The following BRI3BP variants were observed in gnomAD, a reference collection of about 807,000 sequenced individuals.
BRI3BP encodes BRI3 binding protein, also known as BRI3-binding protein.
In BRI3BP, 7 loss-of-function variants were observed where a neutral mutation model predicts 15.8. The observed-to-expected ratio is 0.44, with a 90% CI of 0.25 to 0.83. The LOEUF (loss-of-function observed/expected upper bound fraction) is 0.83. Ranked by LOEUF, BRI3BP falls within the 40% of genes least tolerant of loss-of-function variation. The pLI, the probability that BRI3BP is intolerant of heterozygous loss-of-function variation, is 0.20. For synonymous variants in BRI3BP, 192 were observed against 163.5 expected (o/e 1.17, Z -1.33); for missense variants, 320 against 339.3 (o/e 0.94, Z 0.45).
chr12:125,011,910 G>C (rs1955200023), intron 1 of BRI3BP, among the ~76,000 whole-genome samples: 1 of 152,186 alleles, frequency 6.6e-6, no homozygotes, highest in Non-Finnish European at 1.5e-5. Context: ...AACCCGCAGG[G>C]TGCGGTGCAG....
chr12:125,045,409 C>A, the BRI3BP span, among the ~76,000 whole-genome samples: 1 of 152,164 alleles, frequency 6.6e-6, no homozygotes, highest in East Asian at 1.9e-4. Flanking sequence ...GCGATCCCGG[C>A]TCACTGCAAC....
At chr12:125,012,717 G>T (rs1955207478) in intron 2 of BRI3BP, 81 bp downstream of exon 2, 1 of 1,100,556 alleles carries the variant, frequency 9.1e-7, no homozygotes, top group South Asian at 1.2e-5. Context: ...CTCACAGTGA[G>T]TAATACATGA....
downstream of BRI3BP, among the ~76,000 whole-genome samples, chr12:125,035,512 G>A (rs1449961033): frequency 5.3e-5 from 8 of 150,802 alleles, no homozygotes; most frequent in Admixed American, 5.3e-4. Flanking sequence ...TCATGCTTCA[G>A]TATCCCACCT....
chr12:125,043,043 T>C, the BRI3BP span, among the ~76,000 whole-genome samples: 1 of 151,612 alleles, frequency 6.6e-6, no homozygotes, highest in Non-Finnish European at 1.5e-5. Context: ...TTTATATCAT[T>C]GGTCTGGTAG....
chr12:125,044,597 C>A, the BRI3BP span, among the ~76,000 whole-genome samples: 1 of 151,556 alleles, frequency 6.6e-6, no homozygotes, highest in South Asian at 2.1e-4. Flanking sequence ...TACAAGCATG[C>A]GCCACCACAC....
At position 124,993,725 on chromosome 12, in the gene BRI3BP, G is replaced by A. The variant is rs1594523427; in HGVS notation, c.-66G>A. 8 of 916,314 alleles carry A rather than the reference G, an allele frequency of 8.7e-6. No individual in the cohort carries two copies. Among genetic ancestry groups the A allele is most frequent in the African/African-American group, 5.4e-5 (3 of 55,174 alleles). 56.8% of individuals were successfully genotyped at this position (916,314 alleles called of 1,614,324 possible). ...GAGCGCGCCAACCTTGCCCTAGCCG[G>A]AGCCCGCTGCGGCCCAGCGCACGGC... On this transcript the variant is annotated 5_prime_UTR_variant, in exon 1 of 3. Coordinates refer to ENST00000341446, the MANE Select transcript of BRI3BP (RefSeq NM_080626.6).
At chr12:125,023,535 G>A (rs761042487) in intron 2 of BRI3BP, among the ~76,000 whole-genome samples, 1 of 152,134 alleles carries the variant, frequency 6.6e-6, no homozygotes, top group Non-Finnish European at 1.5e-5. Flanking sequence ...ACTTCCAGAG[G>A]TGTTTTAGTA....
At chr12:125,001,056 T>A (rs910102918) in intron 1 of BRI3BP, among the ~76,000 whole-genome samples, 2 of 151,870 alleles carry the variant, frequency 1.3e-5, no homozygotes, top group Admixed American at 1.3e-4. Context: ...AATTTTTTTT[T>A]ATTTTTATTT....
chr12:125,010,533 C>T (rs1229626581), intron 1 of BRI3BP, among the ~76,000 whole-genome samples: 2 of 152,154 alleles, frequency 1.3e-5, no homozygotes, highest in Non-Finnish European at 2.9e-5. Flanking sequence ...AATCCCAGCA[C>T]TTTGGGAAGC....
chr12:125,046,016 T>C, the BRI3BP span, among the ~76,000 whole-genome samples: 1 of 151,804 alleles, frequency 6.6e-6, no homozygotes, highest in African/African-American at 2.4e-5. Flanking sequence ...AATACAAAAA[T>C]TAGCCAGGCG....
At chr12:125,022,541 A>ATTTATTTATTTATTTATTTATTTTT in intron 2 of BRI3BP, among the ~76,000 whole-genome samples, 18 of 139,434 alleles carry the variant, frequency 1.3e-4, no homozygotes, top group African/African-American at 4.9e-4. Context: ...TTATTTATTT[A>ATTTATTTATTTATTTATTTATTTTT]TTTTTTGAGA....
At chr12:125,007,654 G>A (rs1955156789) in intron 1 of BRI3BP, among the ~76,000 whole-genome samples, 1 of 151,272 alleles carries the variant, frequency 6.6e-6, no homozygotes, top group South Asian at 2.1e-4. Flanking sequence ...AGGAGTTTGA[G>A]ACTGCAGTGA....
At chr12:125,047,144 T>A in the BRI3BP span, among the ~76,000 whole-genome samples, 108 of 152,240 alleles carry the variant, frequency 7.1e-4, no homozygotes, top group Middle Eastern at 3.4e-3. Flanking sequence ...ATTTCAGCAT[T>A]TCTTTACTCT....
downstream of BRI3BP, among the ~76,000 whole-genome samples, chr12:125,034,450 C>T (rs967381801): frequency 5.3e-5 from 8 of 152,220 alleles, no homozygotes; most frequent in African/African-American, 9.6e-5. Context: ...TTCATATATG[C>T]GTACACCATG....
the BRI3BP span, among the ~76,000 whole-genome samples, chr12:125,048,197 G>A: frequency 6.6e-6 from 1 of 151,944 alleles, no homozygotes; most frequent in South Asian, 2.1e-4. Flanking sequence ...GGGAGTTGGG[G>A]CACACTGTAG....
At chr12:125,016,208 C>T (rs1233222070) in intron 2 of BRI3BP, among the ~76,000 whole-genome samples, 1 of 152,136 alleles carries the variant, frequency 6.6e-6, no homozygotes, top group Non-Finnish European at 1.5e-5. Flanking sequence ...GATGCGTAAG[C>T]TTCAAGGCAT....
rs954535765 is a variant in BRI3BP at position 124,997,435 on chromosome 12, C to T, written c.213+3432C>T. ...TTCACTGTGTTGGCCAGGCTGGTCTCGATCTCATGACTTCAGGTGATCTGC... is the reference window on the plus strand; with the variant it reads ...TTCACTGTGTTGGCCAGGCTGGTCTTGATCTCATGACTTCAGGTGATCTGC... On this transcript the variant is annotated intron_variant, in intron 1 of 2. Transcript: ENST00000341446. Among the ~76,000 whole-genome samples the T allele has an allele frequency of 4.6e-5, 7 of 150,952 alleles. No individual in the cohort carries two copies. In the East Asian group the frequency reaches 8.0e-4, roughly 17 times the overall value.
chr12:124,998,124 C>CA (rs35401601), intron 1 of BRI3BP, among the ~76,000 whole-genome samples: 2,751 of 126,864 alleles, frequency 0.022, 96 homozygotes, highest in African/African-American at 0.073. Flanking sequence ...AACTCCGTCT[C>CA]AAAAAAAAAA....
rs1955337063 is a variant in BRI3BP, at chr12:125,024,987, G to T, written c.317-4G>T. 12 of 1,608,120 alleles carry T rather than the reference G, an allele frequency of 7.5e-6. No individual in the cohort carries two copies. Among genetic ancestry groups the T allele is most frequent in the Non-Finnish European group, 1.0e-5 (12 of 1,176,558 alleles). On this transcript the variant is annotated splice_polypyrimidine_tract_variant and splice_region_variant and intron_variant, in intron 2 of 2. Transcript: ENST00000341446. ...GAGCCCTGTTCCTCTTTTCTGTCCCGCAGTCTCCAACCTGTCCCAGTATTT... is the reference window on the plus strand; with the variant it reads ...GAGCCCTGTTCCTCTTTTCTGTCCCTCAGTCTCCAACCTGTCCCAGTATTT...
Sources: allele counts gnomAD v4.1 joint callset (sites outside exome capture counted in the v4.1 genomes callset), GRCh38; gene constraint gnomAD v4.1.1; transcripts MANE v1.5; gene names NCBI Gene and HGNC (gene_info 2026-07-23, HGNC 2026-07-21).